Variants in AMACR observed in about 807,000 individuals in gnomAD.
AMACR encodes alpha-methylacyl-CoA racemase.
A neutral mutation model predicts 22.2 loss-of-function variants in AMACR; 18 were observed. The ratio of observed to expected loss-of-function variants is 0.81; its 90% CI spans 0.56 to 1.20. The LOEUF is 1.20. Among genes scored for constraint, AMACR ranks in the 50% most tolerant of loss-of-function variants. AMACR has a pLI of 0.00. For missense variants in AMACR, 499 were observed against 490.6 expected, an observed-to-expected ratio of 1.02 and a Z score of -0.16; for synonymous variants, 213 against 191.3, an observed-to-expected ratio of 1.11 and a Z score of -0.94.
At chr5:34,003,001 T>A (rs540778940) in intron 3 of AMACR, among the ~76,000 whole-genome samples, 1 of 152,152 alleles carries the variant, frequency 6.6e-6, no homozygotes, top group Non-Finnish European at 1.5e-5. Context: ...ATGGATTTTG[T>A]GAAGATCAGC....
At position 33,988,725 on chromosome 5, in the gene AMACR, T is replaced by G; in HGVS notation, c.*368A>C. The G allele has an allele frequency of 8.3e-7, 1 of 1,199,010 alleles. No homozygotes were observed. Among genetic ancestry groups the G allele is most frequent in the Non-Finnish European group, 1.0e-6 (1 of 962,654 alleles). 74.3% of individuals were successfully genotyped at this position (1,199,010 alleles called of 1,614,324 possible). On this transcript the variant is annotated 3_prime_UTR_variant, in exon 5 of 5. Transcript: ENST00000335606. ...TGTGGCATTTCCTCATTTTCTACAT[T>G]GTAGAATCAAGAGTGTAAATAAATG...
chr5:33,998,127 T>C (rs998664687), intron 4 of AMACR, among the ~76,000 whole-genome samples: 1 of 152,242 alleles, frequency 6.6e-6, no homozygotes, highest in African/African-American at 2.4e-5. Flanking sequence ...TTATGACAAC[T>C]TGCCAAGCAG....
At position 33,987,666 on chromosome 5, in the gene AMACR, G is replaced by A. The variant is rs1173443039; in HGVS notation, c.*1427C>T. The A allele has an allele frequency of 2.0e-5, 3 of 152,366 alleles. No individual in the cohort carries two copies. The South Asian group carries it at 6.2e-4, about 32-fold the overall frequency. The allele number at this position is 152,366 out of a possible 1,614,324, so 9.4% of individuals were successfully genotyped here. A position where few individuals can be genotyped will look rare whatever the true frequency, so the allele number is the denominator to read the frequency against. The stretch of plus-strand genomic sequence containing the variant: ...AGTACTATATGGACACCAACATGGA[G>A]CAGAAAATGAGGGCAGCAGTGTCCA... On this transcript the variant is annotated 3_prime_UTR_variant, in exon 5 of 5. Transcript: ENST00000335606.
At chr5:34,006,388 G>GT (rs1433136377) in intron 1 of AMACR, among the ~76,000 whole-genome samples, 1 of 152,204 alleles carries the variant, frequency 6.6e-6, no homozygotes, top group South Asian at 2.1e-4. Context: ...TGTAGAAAGA[G>GT]TGGTTAGTGA....
chr5:33,995,398 G>T (rs1369999364), intron 4 of AMACR, among the ~76,000 whole-genome samples: 1 of 152,198 alleles, frequency 6.6e-6, no homozygotes, highest in East Asian at 1.9e-4. Context: ...ATAAGCCAAG[G>T]TTGCTAAAAT....
Position 34,008,035 on chromosome 5 carries a change from C to G in AMACR, c.-16G>C. 1 of 1,608,838 alleles carries G rather than the reference C, an allele frequency of 6.2e-7. No homozygotes were observed. The highest frequency in any genetic ancestry group is 8.5e-7 in the Non-Finnish European group (1 of 1,179,690). ...GCAGTGCCATGGCGCTTCCCAGTGC[C>G]CCGCTGAAGGAAACTGAGCAGCCCT... On this transcript the variant is annotated 5_prime_UTR_variant, in exon 1 of 5. Transcript: ENST00000335606.
chr5:33,988,317 G>A lies in AMACR; in HGVS notation c.*776C>T, dbSNP rs963981282. 6.5e-7 allele frequency: 1 copy of A among 1,540,934 alleles called. No homozygotes were observed. The highest frequency in any genetic ancestry group is 8.7e-7 in the Non-Finnish European group (1 of 1,148,692). ...GGGGGTCCTGAGATCTTTATTTCTG[G>A]ATGTTGCTGTGTGTTGGGTATAAGA... is the stretch of plus-strand genomic sequence containing the variant. On this transcript the variant is annotated 3_prime_UTR_variant, in exon 5 of 5. Coordinates refer to ENST00000335606, the MANE Select transcript of AMACR (RefSeq NM_014324.6).
rs1046438220 is a variant in AMACR, at chr5:33,988,107, T to C, written c.*986A>G. 19 of 515,786 alleles carry C rather than the reference T, an allele frequency of 3.7e-5. No homozygotes were observed. The highest frequency in any genetic ancestry group is 5.9e-5 in the Non-Finnish European group (17 of 290,392). 32.0% of individuals were successfully genotyped at this position (515,786 alleles called of 1,614,324 possible). ...CATCCATTCTCTACTCCCTCTACTCTGATGGCACCCGGATTAGATTGTGGA... is the reference window on the plus strand; with the variant it reads ...CATCCATTCTCTACTCCCTCTACTCCGATGGCACCCGGATTAGATTGTGGA... On this transcript the variant is annotated 3_prime_UTR_variant, in exon 5 of 5. Transcript: ENST00000335606.
chr5:33,988,879 A>G lies in AMACR; in HGVS notation c.*214T>C. On this transcript the variant is annotated 3_prime_UTR_variant, in exon 5 of 5. Transcript: ENST00000335606. ...GGCAGAATAACTACCATAATTTAGT[A>G]TAAGTACCCAAAGTTTTATAAATCA... 5 of 1,396,054 alleles carry G rather than the reference A, an allele frequency of 3.6e-6. No individual in the cohort carries two copies. Among genetic ancestry groups the G allele is most frequent in the South Asian group, 1.6e-5 (1 of 61,760 alleles). 86.5% of individuals were successfully genotyped at this position (1,396,054 alleles called of 1,614,324 possible). A position where few individuals can be genotyped will look rare whatever the true frequency, so the allele number is the denominator to read the frequency against.
rs770956608 is a variant in AMACR, at chr5:34,008,031, G to A, written c.-12C>T. 5 of 1,608,928 alleles carry A rather than the reference G, an allele frequency of 3.1e-6. No homozygotes were observed. Among genetic ancestry groups the A allele is most frequent in the Non-Finnish European group, 4.2e-6 (5 of 1,179,692 alleles). On this transcript the variant is annotated 5_prime_UTR_variant, in exon 1 of 5. Transcript: ENST00000335606. ...CCCTGCAGTGCCATGGCGCTTCCCA[G>A]TGCCCCGCTGAAGGAAACTGAGCAG...
At chr5:34,006,017 A>T in intron 1 of AMACR, 118 bp from the exon 2 acceptor site, 1 of 1,219,148 alleles carries the variant, frequency 8.2e-7, no homozygotes, top group East Asian at 2.4e-5. Flanking sequence ...CATTTGCTGT[A>T]GGCTAATGGC....
At chr5:34,001,126 A>C (rs1294731059) in intron 3 of AMACR, among the ~76,000 whole-genome samples, 1 of 152,186 alleles carries the variant, frequency 6.6e-6, no homozygotes, top group Non-Finnish European at 1.5e-5. Context: ...TCACTCATAT[A>C]CCATGCATGC....
chr5:33,995,525 T>C (rs762474518), intron 4 of AMACR, among the ~76,000 whole-genome samples: 38 of 152,236 alleles, frequency 2.5e-4, no homozygotes, highest in Admixed American at 5.9e-4. Context: ...CCATAGTGCA[T>C]AAGTGCTTAA....
intron 3 of AMACR, among the ~76,000 whole-genome samples, chr5:34,001,833 T>C (rs947561981): frequency 1.3e-5 from 2 of 152,194 alleles, no homozygotes; most frequent in Non-Finnish European, 1.5e-5. Context: ...GCTTCTGCAA[T>C]TGCCTGTGTC....
At position 33,987,803 on chromosome 5, in the gene AMACR, G is replaced by A. The variant is rs1361619139; in HGVS notation, c.*1290C>T. 6.6e-6 allele frequency: 1 copy of A among 152,192 alleles called. No homozygotes were observed. The highest frequency in any genetic ancestry group is 1.5e-5 in the Non-Finnish European group (1 of 68,052). 9.4% of individuals were successfully genotyped at this position (152,192 alleles called of 1,614,324 possible). A position where few individuals can be genotyped will look rare whatever the true frequency, so the allele number is the denominator to read the frequency against. On this transcript the variant is annotated 3_prime_UTR_variant, in exon 5 of 5. Coordinates refer to ENST00000335606, the MANE Select transcript of AMACR (RefSeq NM_014324.6). ...ATGAAAAATATATTTTTTTATTTAT[G>A]TGTATTATATTTTTCAAGCAGCTAA...
intron 3 of AMACR, among the ~76,000 whole-genome samples, chr5:33,999,604 T>C (rs553966185): frequency 5.9e-5 from 9 of 152,344 alleles, no homozygotes; most frequent in Non-Finnish European, 1.2e-4. Context: ...TGTTCTGACC[T>C]TTATGCCTTT....
intron 4 of AMACR, among the ~76,000 whole-genome samples, chr5:33,990,279 C>T (rs2112035127): frequency 6.6e-6 from 1 of 152,284 alleles, no homozygotes. Flanking sequence ...CTATAATAAA[C>T]AAAACAGAAA....
At chr5:34,006,682 T>C (rs1753989381) in intron 1 of AMACR, among the ~76,000 whole-genome samples, 2 of 152,258 alleles carry the variant, frequency 1.3e-5, no homozygotes, top group Admixed American at 1.3e-4. Context: ...AAATGGAGCA[T>C]TCTTAAATTA....
In AMACR at chr5:33,989,264, G is replaced by C. The variant is rs764961991; in HGVS notation, c.978C>G (p.Arg326=). ...GGGTGTTTAACAGCAGAGGTGCAGG[G>C]CGGGGGCTCACGTCCTGCTCCTCAC... The part of the protein sequence containing the change: ...ITSEEQDVSP[R]PAPLLLNTPA... Residue 326 remains arginine, a synonymous_variant, in exon 5 of 5, where the codon CGC becomes CGG. Transcript: ENST00000335606. 1 of 1,614,074 alleles carries C rather than the reference G, an allele frequency of 6.2e-7. No individual in the cohort carries two copies. Among genetic ancestry groups the C allele is most frequent in the Non-Finnish European group, 8.5e-7 (1 of 1,179,982 alleles).
Sources: allele counts gnomAD v4.1 joint callset (sites outside exome capture counted in the v4.1 genomes callset), GRCh38; gene constraint gnomAD v4.1.1; transcripts MANE v1.5; gene names NCBI Gene and HGNC (gene_info 2026-07-23, HGNC 2026-07-21).